Variants in ASZ1 observed in about 807,000 individuals in gnomAD.
ASZ1 encodes the protein ankyrin repeat, SAM and basic leucine zipper domain containing 1.
Under a neutral mutation model 61.8 loss-of-function variants are expected in ASZ1, and 67 were observed. The ratio of observed to expected loss-of-function variants is 1.08; its 90% confidence interval spans 0.89 to 1.33. The LOEUF (loss-of-function observed/expected upper bound fraction) is 1.33. Among genes scored for constraint, ASZ1 ranks in the 40% most tolerant of loss-of-function variants. The probability of loss-of-function intolerance (pLI) is 0.00; values close to 1 mark genes in which losing one functional copy is unlikely to be tolerated. For missense variants in ASZ1, 577 were observed against 554.5 expected (o/e 1.04, Z -0.41); for synonymous variants, 193 against 192.7 (o/e 1.00, Z -0.01).
intron 3 of ASZ1, 58 bp downstream of exon 3, chr7:117,422,179 C>T: frequency 1.3e-6 from 2 of 1,565,640 alleles, no homozygotes; most frequent in African/African-American, 1.4e-5. Flanking sequence ...ATAATAGCTA[C>T]TTGGAAACCA....
At chr7:117,393,169 T>G (rs372833195) in intron 4 of ASZ1, among the ~76,000 whole-genome samples, 2 of 151,904 alleles carry the variant, frequency 1.3e-5, no homozygotes, top group East Asian at 3.9e-4. Flanking sequence ...AAAAAAAAAT[T>G]CTTAAAAGAC....
chr7:117,424,801 C>T lies in ASZ1; in HGVS notation c.205+2035G>A, dbSNP rs189225696. 8.5e-4 allele frequency among the ~76,000 whole-genome samples: 129 copies of T among 152,274 alleles called. 1 individual carries two copies. Among genetic ancestry groups the T allele is most frequent in the Non-Finnish European group, 1.2e-3 (84 of 68,018 alleles). On this transcript the variant is annotated intron_variant, in intron 2 of 12. Transcript: ENST00000284629. ...TACTTATTCAGAGTTTATTCAATTTCGTTTTTCAATTCCAAACTCAAGTTC... is the reference window on the plus strand; with the variant it reads ...TACTTATTCAGAGTTTATTCAATTTTGTTTTTCAATTCCAAACTCAAGTTC...
intron 10 of ASZ1, among the ~76,000 whole-genome samples, chr7:117,376,631 G>T (rs1562846668): frequency 6.6e-6 from 1 of 152,024 alleles, no homozygotes; most frequent in Non-Finnish European, 1.5e-5. Context: ...TGCAAGGTTG[G>T]CTCAATAGTT....
chr7:117,368,055 G>T, intron 11 of ASZ1: 1 of 350,870 alleles, frequency 2.9e-6, no homozygotes, highest in Non-Finnish European at 4.0e-6. Context: ...CTAATTTTCA[G>T]CTAGGACTAG....
intron 10 of ASZ1, among the ~76,000 whole-genome samples, chr7:117,370,954 A>G (rs918514440): frequency 1.3e-5 from 2 of 151,812 alleles, no homozygotes; most frequent in African/African-American, 4.8e-5. Flanking sequence ...CCACCTGAGT[A>G]GTTGGGATTA....
chr7:117,379,998 T>G lies in ASZ1; in HGVS notation c.995A>C (p.Glu332Ala). The G allele has an allele frequency of 6.2e-7, 1 of 1,607,824 alleles. No individual in the cohort carries two copies. The change falls in exon 10 of 13, where the codon GAA (glutamate) becomes GCA (alanine). Residue 332 changes from glutamate (E) to alanine (A), a missense_variant. Transcript: ENST00000284629. The part of the protein sequence containing the change: ...DQQKILAALK[E>A]LQVEEIQFGE... ...AAATTGTATCTCTTCTACCTGTAGT[T>G]CTTTAAGAGCAGCCAGAATTTTCTG... is the stretch of plus-strand genomic sequence containing the variant.
chr7:117,393,318 C>T (rs1421875746), intron 4 of ASZ1, among the ~76,000 whole-genome samples: 4 of 152,092 alleles, frequency 2.6e-5, no homozygotes, highest in African/African-American at 9.7e-5. Flanking sequence ...TTTGTCTAAT[C>T]TGTTTTTCTA....
rs774531943 is a variant in ASZ1, at chr7:117,368,730, A to G, written c.1056-13T>C. Reference sequence around the variant, plus strand: ...GAACTCATCACCACTAAAGAAAGGAAACAAACAAACAAGCAGGAATTACTA... The same window carrying G: ...GAACTCATCACCACTAAAGAAAGGAGACAAACAAACAAGCAGGAATTACTA... On this transcript the variant is annotated splice_polypyrimidine_tract_variant and intron_variant, in intron 10 of 12. Transcript: ENST00000284629. The G allele has an allele frequency of 3.1e-6, 5 of 1,608,580 alleles. No homozygotes were observed. In the Admixed American group the frequency reaches 8.5e-5, roughly 27 times the overall value.
chr7:117,380,512 A>G (rs1796229391), intron 9 of ASZ1, among the ~76,000 whole-genome samples: 1 of 151,774 alleles, frequency 6.6e-6, no homozygotes, highest in Admixed American at 6.6e-5. Context: ...AAAAATGTCA[A>G]GTTTCCAATG....
At chr7:117,426,216 TC>T (rs1012562661) in intron 2 of ASZ1, among the ~76,000 whole-genome samples, 3 of 151,572 alleles carry the variant, frequency 2.0e-5, no homozygotes, top group Admixed American at 1.3e-4. Flanking sequence ...GCACGGTGGC[TC>T]ATGCCTGTAA....
intron 8 of ASZ1, 98 bp from the exon 9 acceptor site, chr7:117,381,165 A>G: frequency 9.2e-7 from 1 of 1,089,138 alleles, no homozygotes; most frequent in Non-Finnish European, 1.3e-6. Flanking sequence ...CTTCACTCTG[A>G]AGCAAATTCC....
At chr7:117,398,527 A>G (rs916312692) in intron 4 of ASZ1, among the ~76,000 whole-genome samples, 3 of 152,240 alleles carry the variant, frequency 2.0e-5, no homozygotes, top group African/African-American at 7.2e-5. Flanking sequence ...ATCTCTATAC[A>G]TACTGGCAGG....
intron 4 of ASZ1, among the ~76,000 whole-genome samples, chr7:117,411,311 T>C (rs573710730): frequency 2.2e-4 from 34 of 151,888 alleles, no homozygotes; most frequent in African/African-American, 8.2e-4. Context: ...AGCTCCTATA[T>C]GTAGGTAAGA....
intron 4 of ASZ1, among the ~76,000 whole-genome samples, chr7:117,392,052 C>A (rs1459601735): frequency 6.6e-6 from 1 of 152,132 alleles, no homozygotes; most frequent in Non-Finnish European, 1.5e-5. Flanking sequence ...CTCTGCCTCC[C>A]AAAGTGCTGG....
At position 117,367,451 on chromosome 7, in the gene ASZ1, C is replaced by G. The variant is rs1331150130; in HGVS notation, c.1176G>C (p.Trp392Cys). The change falls in exon 12 of 13, where the codon TGG becomes TGC. Residue 392 changes from tryptophan to cysteine, a missense_variant. Trp to Cys is a radical substitution (Grantham distance 215). Transcript: ENST00000284629. ...CTGAAGTAAAATTCTGGGGAGAAGC[C>G]CATTCCAGTGTTATCTGTTAATATT... ...PVNSQKITLE[W>C]ASPQNFTSVC... The G allele has an allele frequency of 3.3e-6, 5 of 1,537,748 alleles. No individual in the cohort carries two copies. In the South Asian group the frequency reaches 6.4e-5, roughly 20 times the overall value.
chr7:117,410,228 TCTGA>T (rs1220095902), intron 4 of ASZ1, among the ~76,000 whole-genome samples: 2 of 151,712 alleles, frequency 1.3e-5, no homozygotes, highest in African/African-American at 2.4e-5. Flanking sequence ...TGATATTGCA[TCTGA>T]CTGTCACAAG....
At chr7:117,363,974 C>T (rs1384050738) in intron 12 of ASZ1, among the ~76,000 whole-genome samples, 1 of 152,116 alleles carries the variant, frequency 6.6e-6, no homozygotes, top group Non-Finnish European at 1.5e-5. Context: ...ATTAAAAATA[C>T]ATGCTTTCAT....
In ASZ1 at chr7:117,420,184, G is replaced by A. The variant is rs868494298; in HGVS notation, c.419C>T (p.Ala140Val). Residue 140 changes from alanine to valine, a missense_variant, in exon 4 of 13, where the codon GCT becomes GTT. By Grantham distance (64) the Ala-to-Val change is moderately conservative. Transcript: ENST00000284629. ...KCVELLLSRN[A>V]DPNVACRRLM... Reference sequence around the variant, plus strand: ...TTACCTACAAGCAACATTTGGATCAGCATTTCTTGAAAGTAGTAGTTCTAC... The same window carrying A: ...TTACCTACAAGCAACATTTGGATCAACATTTCTTGAAAGTAGTAGTTCTAC... The A allele has an allele frequency of 6.2e-7, 1 of 1,610,402 alleles. No homozygotes were observed. Among genetic ancestry groups the A allele is most frequent in the Non-Finnish European group, 8.5e-7 (1 of 1,178,672 alleles).
chr7:117,404,184 C>G (rs555985696), intron 4 of ASZ1, among the ~76,000 whole-genome samples: 133 of 152,164 alleles, frequency 8.7e-4, no homozygotes, highest in African/African-American at 2.9e-3. Flanking sequence ...GATTCTGAGG[C>G]CTTGGCCTTT....
Sources: allele counts gnomAD v4.1 joint callset (sites outside exome capture counted in the v4.1 genomes callset), GRCh38; gene constraint gnomAD v4.1.1; transcripts MANE v1.5; gene names NCBI Gene and HGNC (gene_info 2026-07-23, HGNC 2026-07-21).